Variants in OMA1 observed in about 807,000 individuals in gnomAD.
OMA1 encodes OMA1 zinc metallopeptidase.
In OMA1, 38 loss-of-function variants were observed where a neutral mutation model predicts 30.9. The ratio of observed to expected loss-of-function variants is 1.23; its 90% CI spans 0.95 to 1.61. OMA1 has a LOEUF of 1.61. OMA1 is among the 40% of genes most tolerant of loss of function. OMA1 has a pLI of 0.00. For synonymous variants in OMA1, 173 were observed against 121.9 expected, an observed-to-expected ratio of 1.42 and a Z score of -2.76; for missense variants, 461 against 349.2, an observed-to-expected ratio of 1.32 and a Z score of -2.55.
chr1:58,539,421 C>A, intron 1 of OMA1, 111 bp from the exon 2 acceptor site: 1 of 624,780 alleles, frequency 1.6e-6, no homozygotes, highest in Non-Finnish European at 2.7e-6. Context: ...ACATCTCAGG[C>A]TAAATTACCT....
chr1:58,545,255 A>C (rs1480220899), intron 1 of OMA1, among the ~76,000 whole-genome samples: 1 of 152,188 alleles, frequency 6.6e-6, no homozygotes, highest in Non-Finnish European at 1.5e-5. Flanking sequence ...ACTCCTTCTC[A>C]TTTCTCATGA....
At chr1:58,504,814 C>A (rs780897141) in intron 8 of OMA1, among the ~76,000 whole-genome samples, 11 of 152,160 alleles carry the variant, frequency 7.2e-5, no homozygotes, top group Non-Finnish European at 1.2e-4. Flanking sequence ...TACTAATAAT[C>A]ATTTTTTATT....
At chr1:58,497,234 AAAGG>A (rs1438092309) in intron 8 of OMA1, among the ~76,000 whole-genome samples, 1 of 152,188 alleles carries the variant, frequency 6.6e-6, no homozygotes, top group African/African-American at 2.4e-5. Context: ...AAACAAAACA[AAAGG>A]GAGGGGGGTA....
At chr1:58,505,881 T>C (rs1645980349) in intron 8 of OMA1, among the ~76,000 whole-genome samples, 179 bp downstream of exon 8, 1 of 152,200 alleles carries the variant, frequency 6.6e-6, no homozygotes, top group Admixed American at 6.5e-5. Context: ...TCTCCAAGAC[T>C]TGTGGACAAG....
chr1:58,493,367 T>G (rs1645734695), intron 8 of OMA1, among the ~76,000 whole-genome samples: 1 of 152,174 alleles, frequency 6.6e-6, no homozygotes, highest in Admixed American at 6.5e-5. Flanking sequence ...AAGACAGGGA[T>G]GCCCTCTCTC....
In OMA1 at chr1:58,527,331, A is replaced by T; in HGVS notation, c.1145T>A (p.Met382Lys). 1 of 871,886 alleles carries T rather than the reference A, an allele frequency of 1.1e-6. No individual in the cohort carries two copies. Among genetic ancestry groups the T allele is most frequent in the Non-Finnish European group, 2.0e-6 (1 of 501,102 alleles). The allele number at this position is 871,886 out of a possible 1,614,324, so 54.0% of individuals were successfully genotyped here. The change falls in exon 7 of 9, where the codon ATG becomes AAG. Residue 382 changes from methionine (M) to lysine (K), a missense_variant. By Grantham distance (95) the Met-to-Lys change is moderately conservative (BLOSUM62 -1). Coordinates refer to ENST00000371226, the MANE Select transcript of OMA1 (RefSeq NM_145243.5). The stretch of plus-strand genomic sequence containing the variant: ...TTTTCTGCTGTATGGTCTATTAAAC[A>T]TATACTAAGAAGAAATGACAGAAAA... ...QWIQSKLQEY[M>K]FNRPYSRKLE...
intron 8 of OMA1, among the ~76,000 whole-genome samples, chr1:58,481,812 T>A (rs1418739575): frequency 6.6e-6 from 1 of 152,188 alleles, no homozygotes; most frequent in Non-Finnish European, 1.5e-5. Context: ...CCCCTGCATA[T>A]GCTCTCTTGA....
intron 7 of OMA1, among the ~76,000 whole-genome samples, chr1:58,518,802 G>A (rs187774871): frequency 5.0e-4 from 76 of 152,166 alleles, no homozygotes; most frequent in East Asian, 3.3e-3. Flanking sequence ...TAAAGAAGAG[G>A]AGATAGCAGA....
At chr1:58,524,143 T>C (rs1382032143) in intron 7 of OMA1, among the ~76,000 whole-genome samples, 1 of 152,242 alleles carries the variant, frequency 6.6e-6, no homozygotes, top group Non-Finnish European at 1.5e-5. Flanking sequence ...AGAGTTAGCA[T>C]ATCCCTTCTG....
intron 2 of OMA1, among the ~76,000 whole-genome samples, chr1:58,537,350 T>C (rs770170039): frequency 6.6e-5 from 10 of 152,186 alleles, no homozygotes; most frequent in Non-Finnish European, 1.3e-4. Flanking sequence ...AATTTGCCAG[T>C]GATTCCACAA....
rs777297608 is a variant in OMA1 at position 58,539,175 on chromosome 1, T to C, written c.120A>G (p.Gln40=). 1 of 873,002 alleles carries C rather than the reference T, an allele frequency of 1.1e-6. No individual in the cohort carries two copies. The highest frequency in any genetic ancestry group is 2.0e-6 in the Non-Finnish European group (1 of 501,676). 54.1% of individuals were successfully genotyped at this position (873,002 alleles called of 1,614,324 possible). Residue 40 remains glutamine (Q), a synonymous_variant, in exon 2 of 9, where the codon CAA becomes CAG. Coordinates refer to ENST00000371226, the MANE Select transcript of OMA1 (RefSeq NM_145243.5). ...TLASTSRGCH[Q]VQVNHIVNKY... ...TATTTACTATATGGTTAACTTGTAC[T>C]TGATGACAGCCCCGTGAGGTGGATG... is the stretch of plus-strand genomic sequence containing the variant.
chr1:58,497,278 C>T (rs144575076), intron 8 of OMA1, among the ~76,000 whole-genome samples: 98 of 152,110 alleles, frequency 6.4e-4, no homozygotes, highest in African/African-American at 2.1e-3. Context: ...ACTTTAGGGA[C>T]GTAAGGACCA....
chr1:58,532,858 CAAAAG>C (rs1390453173), intron 5 of OMA1, among the ~76,000 whole-genome samples: 1 of 152,134 alleles, frequency 6.6e-6, no homozygotes, highest in Non-Finnish European at 1.5e-5. Context: ...TCCTGTAACT[CAAAAG>C]AAATCAAGGA....
chr1:58,541,439 G>A (rs1327366291), intron 1 of OMA1: 2 of 148,934 alleles, frequency 1.3e-5, no homozygotes, highest in East Asian at 3.9e-4. Flanking sequence ...ACTGCTTGAG[G>A]AGTTGTAGGA....
intron 7 of OMA1, among the ~76,000 whole-genome samples, chr1:58,524,104 C>G (rs4912340): frequency 0.13 from 20,216 of 152,172 alleles, 1,488 homozygotes; most frequent in African/African-American, 0.19. Context: ...AAAGTACTTA[C>G]AAATCCAACT....
At position 58,493,265 on chromosome 1, in the gene OMA1, C is replaced by T. The variant is rs1254814868; in HGVS notation, c.1366-12091G>A. Among the ~76,000 whole-genome samples the T allele has an allele frequency of 3.3e-5, 5 of 152,126 alleles. No homozygotes were observed. In the East Asian group the frequency reaches 5.8e-4, roughly 18 times the overall value. On this transcript the variant is annotated intron_variant, in intron 8 of 8. Transcript: ENST00000371226. ...TAAATTAGGTATTGATGGGACGTATCTCAAAATAGTAAGAGCTATTTATGA... is the reference window on the plus strand; with the variant it reads ...TAAATTAGGTATTGATGGGACGTATTTCAAAATAGTAAGAGCTATTTATGA...
At chr1:58,514,058 C>A (rs2100434483) in intron 7 of OMA1, among the ~76,000 whole-genome samples, 1 of 152,262 alleles carries the variant, frequency 6.6e-6, no homozygotes, top group South Asian at 2.1e-4. Flanking sequence ...CATTCCAGGA[C>A]TCAGAACATA....
chr1:58,527,376 T>G (rs200972886), intron 6 of OMA1, 41 bp from the exon 7 acceptor site: 1 of 854,230 alleles, frequency 1.2e-6, no homozygotes, highest in South Asian at 1.3e-5. Context: ...AGACAATTTA[T>G]TTCACGAAAA....
chr1:58,494,727 T>A lies in OMA1; in HGVS notation c.1365+11333A>T, dbSNP rs572036918. 7.0e-3 allele frequency among the ~76,000 whole-genome samples: 1,063 copies of A among 152,148 alleles called. 7 individuals carry two copies. The highest frequency in any genetic ancestry group is 0.018 in the African/African-American group (740 of 41,498). On this transcript the variant is annotated intron_variant, in intron 8 of 8. Transcript: ENST00000371226. ...ATCAAAACCACAATGAGATACCATC[T>A]CACACCAGTTAGAATGGCGATCATT...
Sources: gnomAD v4.1 joint callset for allele counts (sites outside exome capture counted in the v4.1 genomes callset) on GRCh38, gnomAD v4.1.1 for gene constraint, MANE v1.5 for transcripts, NCBI Gene and HGNC (gene_info 2026-07-23, HGNC 2026-07-21) for gene names.